SPESP1: variants seen among roughly 807,000 people sequenced by gnomAD.
SPESP1 encodes equatorial segment protein.
Under a neutral mutation model 3.1 loss-of-function variants are expected in SPESP1, and 1 was observed. The ratio of observed to expected loss-of-function variants is 0.33; its 90% CI spans 0.12 to 1.54. The LOEUF (loss-of-function observed/expected upper bound fraction) is 1.54, where lower values mean the gene tolerates loss of function less well. Ranked by LOEUF, SPESP1 falls within the 40% of genes most tolerant of loss-of-function variation. The pLI, the probability that SPESP1 is intolerant of heterozygous loss-of-function variation, is 0.38. For synonymous variants in SPESP1, 138 were observed against 150.7 expected, an observed-to-expected ratio of 0.92 and a Z score of 0.62; for missense variants, 398 against 410.1, an observed-to-expected ratio of 0.97 and a Z score of 0.26.
Position 68,945,745 on chromosome 15 carries a change from G to C in SPESP1, c.211G>C (p.Gly71Arg), listed in dbSNP as rs754572310. ...PKHVYSIASK[G>R]SKFKELVTHG... ...ACATGTTTATTCTATAGCATCAAAG[G>C]GATCAAAATTTAAGGAGCTAGTTAC... Residue 71 changes from glycine to arginine, a missense_variant, in exon 2 of 2, where the codon GGA becomes CGA. Transcript: ENST00000310673. 4 of 1,613,712 alleles carry C rather than the reference G, an allele frequency of 2.5e-6. No individual in the cohort carries two copies. The East Asian group carries it at 6.7e-5, about 27-fold the overall frequency.
chr15:68,944,311 C>CTT (rs75390989), intron 1 of SPESP1, among the ~76,000 whole-genome samples: 20 of 131,342 alleles, frequency 1.5e-4, no homozygotes, highest in East Asian at 1.5e-3. Flanking sequence ...ATAGAACTAC[C>CTT]TTTTTTTTTT....
rs1567066364 is a variant in SPESP1, at chr15:68,946,121, C to T, written c.587C>T (p.Ser196Leu). Residue 196 changes from serine (S) to leucine (L), a missense_variant, in exon 2 of 2, where the codon TCA becomes TTA. Ser to Leu is a moderately radical substitution (Grantham distance 145, BLOSUM62 -2). Coordinates refer to ENST00000310673, the MANE Select transcript of SPESP1 (RefSeq NM_145658.4). The part of the protein sequence containing the change: ...KSTGIGISTE[S>L]EDVPQLSGET... ...ACTGGCATTGGGATCTCTACAGAATCAGAAGATGTTCCTCAGCTCTCAGGT... is the reference window on the plus strand; with the variant it reads ...ACTGGCATTGGGATCTCTACAGAATTAGAAGATGTTCCTCAGCTCTCAGGT... The T allele has an allele frequency of 1.2e-6, 2 of 1,614,182 alleles. No individual in the cohort carries two copies.
chr15:68,940,298 G>T (rs1282808268), intron 1 of SPESP1, among the ~76,000 whole-genome samples: 1 of 151,938 alleles, frequency 6.6e-6, no homozygotes, highest in Non-Finnish European at 1.5e-5. Flanking sequence ...AATTTCTCGG[G>T]CTTGGATTAT....
rs147808648 is a variant in SPESP1 at position 68,943,228 on chromosome 15, C to G, written c.65-2371C>G. 1.4e-4 allele frequency among the ~76,000 whole-genome samples: 22 copies of G among 151,840 alleles called. No homozygotes were observed. In the East Asian group the frequency reaches 4.3e-3, roughly 29 times the overall value. ...GAGTTTAGTACATTATCATTACAGT[C>G]CATTAAAAAAATCTGCAGTTCACAG... On this transcript the variant is annotated intron_variant, in intron 1 of 1. Coordinates refer to ENST00000310673, the MANE Select transcript of SPESP1 (RefSeq NM_145658.4).
chr15:68,937,491 T>C (rs1388688576), intron 1 of SPESP1, among the ~76,000 whole-genome samples: 1 of 152,166 alleles, frequency 6.6e-6, no homozygotes, highest in African/African-American at 2.4e-5. Flanking sequence ...TATTATTTTT[T>C]TTCTTTATTT....
At chr15:68,935,656 G>T (rs1442808815) in intron 1 of SPESP1, among the ~76,000 whole-genome samples, 1 of 152,224 alleles carries the variant, frequency 6.6e-6, no homozygotes, top group African/African-American at 2.4e-5. Flanking sequence ...AACATGAATA[G>T]CAGGAAGTGT....
chr15:68,936,264 C>T (rs1895678804), intron 1 of SPESP1, among the ~76,000 whole-genome samples: 1 of 152,172 alleles, frequency 6.6e-6, no homozygotes, highest in South Asian at 2.1e-4. Flanking sequence ...ACAAAATGAG[C>T]ATCCATAATT....
At chr15:68,930,779 C>T (rs565792305) in intron 1 of SPESP1, 62 bp downstream of exon 1, 2 of 1,610,420 alleles carry the variant, frequency 1.2e-6, no homozygotes, top group Admixed American at 1.7e-5. Context: ...TCCCGAGCTC[C>T]GCGACCTCGA....
intron 1 of SPESP1, among the ~76,000 whole-genome samples, chr15:68,932,110 C>T (rs1895558685): frequency 6.6e-6 from 1 of 152,094 alleles, no homozygotes; most frequent in Non-Finnish European, 1.5e-5. Flanking sequence ...TAAAATTTTT[C>T]TTCCTTGACA....
At chr15:68,939,390 C>T (rs916265875) in intron 1 of SPESP1, among the ~76,000 whole-genome samples, 16 of 152,230 alleles carry the variant, frequency 1.1e-4, no homozygotes, top group Non-Finnish European at 2.2e-4. Context: ...TTTTGTTCAG[C>T]TTTCTAGCAC....
At chr15:68,943,994 T>G (rs1297050521) in intron 1 of SPESP1, among the ~76,000 whole-genome samples, 1 of 152,116 alleles carries the variant, frequency 6.6e-6, no homozygotes, top group Non-Finnish European at 1.5e-5. Flanking sequence ...AAAAGCTAAA[T>G]AAAAGTGCCT....
At chr15:68,932,689 G>C (rs901630776) in intron 1 of SPESP1, among the ~76,000 whole-genome samples, 6 of 152,198 alleles carry the variant, frequency 3.9e-5, no homozygotes, top group Admixed American at 1.3e-4. Context: ...ACTGTGCCCA[G>C]CCAGCCTGTT....
Position 68,946,197 on chromosome 15 carries a change from G to A in SPESP1, c.663G>A (p.Trp221Ter), listed in dbSNP as rs1378237288. ...PEEFGKHPESWNNDDILKKIL... is the reference protein window; with the variant it reads ...PEEFGKHPES ...AGTTTGGAAAGCACCCAGAGAGTTG[G>A]AATAATGATGACATTTTGAAAAAAA... is the stretch of plus-strand genomic sequence containing the variant. Residue 221 changes from tryptophan to a stop codon, truncating the protein, a stop_gained, in exon 2 of 2, where the codon TGG becomes TGA. Coordinates refer to ENST00000310673, the MANE Select transcript of SPESP1 (RefSeq NM_145658.4). LOFTEE classifies it low-confidence loss of function (END_TRUNC). The A allele has an allele frequency of 6.2e-7, 1 of 1,613,988 alleles. No individual in the cohort carries two copies. Among genetic ancestry groups the A allele is most frequent in the Admixed American group, 1.7e-5 (1 of 59,996 alleles).
intron 1 of SPESP1, among the ~76,000 whole-genome samples, chr15:68,939,236 T>C (rs542576011): frequency 6.6e-6 from 1 of 152,334 alleles, no homozygotes; most frequent in East Asian, 1.9e-4. Context: ...CAGAGCCATG[T>C]TCTAGGACAT....
chr15:68,935,376 A>G (rs1895657482), intron 1 of SPESP1, among the ~76,000 whole-genome samples: 1 of 152,214 alleles, frequency 6.6e-6, no homozygotes, highest in Non-Finnish European at 1.5e-5. Flanking sequence ...GAGGTCACTC[A>G]TGCAGCTGCA....
chr15:68,930,762 G>A, intron 1 of SPESP1, 45 bp downstream of exon 1: 1 of 1,612,912 alleles, frequency 6.2e-7, no homozygotes, highest in Non-Finnish European at 8.5e-7. Flanking sequence ...GACACCCTGG[G>A]GGAACTTCCC....
At position 68,937,781 on chromosome 15, in the gene SPESP1, T is replaced by C. The variant is rs563045246; in HGVS notation, c.64+7064T>C. Among the ~76,000 whole-genome samples, 35 of 152,316 alleles carry C rather than the reference T, an allele frequency of 2.3e-4. 1 individual carries two copies. The South Asian group carries it at 7.3e-3, about 32-fold the overall frequency. On this transcript the variant is annotated intron_variant, in intron 1 of 1. Coordinates refer to ENST00000310673, the MANE Select transcript of SPESP1 (RefSeq NM_145658.4). ...TCCTAGGTTTTATCATTTAAAAATA[T>C]TTGCCTACTTGACTGGCAAAACAAA...
At chr15:68,934,981 CT>C (rs962497917) in intron 1 of SPESP1, among the ~76,000 whole-genome samples, 3 of 152,146 alleles carry the variant, frequency 2.0e-5, no homozygotes, top group Admixed American at 2.0e-4. Flanking sequence ...CACTTTGTGT[CT>C]TTCCCACTCT....
Position 68,936,958 on chromosome 15 carries a change from A to G in SPESP1, c.64+6241A>G, listed in dbSNP as rs372762663. 3.0e-3 allele frequency among the ~76,000 whole-genome samples: 451 copies of G among 152,298 alleles called. 1 individual carries two copies. Among genetic ancestry groups the G allele is most frequent in the African/African-American group, 0.01 (429 of 41,572 alleles). On this transcript the variant is annotated intron_variant, in intron 1 of 1. Coordinates refer to ENST00000310673, the MANE Select transcript of SPESP1 (RefSeq NM_145658.4). ...CTTAGAAATTTAGAAAGACGTAGTA[A>G]GCTGTGTCTTTTATTATAAAAAACT... is the stretch of plus-strand genomic sequence containing the variant.
Sources: allele counts gnomAD v4.1 joint callset (sites outside exome capture counted in the v4.1 genomes callset), GRCh38; gene constraint gnomAD v4.1.1; transcripts MANE v1.5; gene names NCBI Gene and HGNC (gene_info 2026-07-23, HGNC 2026-07-21).